The following ZNF804B variants were observed in gnomAD, a reference collection of about 807,000 sequenced individuals.
The protein encoded by ZNF804B is zinc finger protein 804B, also known as zinc finger 804B.
In ZNF804B, 80 loss-of-function variants were observed where a neutral mutation model predicts 101.4. That is an observed-to-expected ratio of 0.79 (90% CI 0.66 to 0.95). The LOEUF is 0.95. Among genes scored for constraint, ZNF804B ranks in the 40% least tolerant of loss-of-function variants. ZNF804B has a pLI of 0.00. For synonymous variants in ZNF804B, 622 were observed against 558.8 expected (o/e 1.11, Z -1.59); for missense variants, 1,673 against 1,561.9 (o/e 1.07, Z -1.20).
chr7:88,797,623 A>G (rs991532839), intron 1 of ZNF804B, among the ~76,000 whole-genome samples: 3 of 152,116 alleles, frequency 2.0e-5, no homozygotes, highest in Non-Finnish European at 4.4e-5. Flanking sequence ...TTTATGAGGT[A>G]CTGCTACCCA....
intron 1 of ZNF804B, among the ~76,000 whole-genome samples, chr7:88,931,786 C>T (rs192855733): frequency 1.1e-4 from 16 of 151,812 alleles, no homozygotes; most frequent in African/African-American, 2.7e-4. Context: ...GTTGAATTAA[C>T]GAGCAAATTA....
intron 1 of ZNF804B, among the ~76,000 whole-genome samples, chr7:88,858,118 T>G (rs769614042): frequency 1.3e-5 from 2 of 152,124 alleles, no homozygotes; most frequent in Non-Finnish European, 2.9e-5. Flanking sequence ...CCACGGCACC[T>G]GGCCTGCATT....
chr7:88,769,014 G>A (rs1475855092), intron 1 of ZNF804B, among the ~76,000 whole-genome samples: 8 of 152,150 alleles, frequency 5.3e-5, no homozygotes, highest in Non-Finnish European at 2.9e-5. Flanking sequence ...CATTCATTGA[G>A]TGTTCAGTAA....
intron 1 of ZNF804B, among the ~76,000 whole-genome samples, chr7:89,045,089 T>G (rs973954114): frequency 2.0e-5 from 3 of 152,158 alleles, no homozygotes; most frequent in African/African-American, 7.2e-5. Flanking sequence ...CTGATTCAGC[T>G]CCAGCCAGGG....
At chr7:88,822,032 A>G (rs1294137027) in intron 1 of ZNF804B, among the ~76,000 whole-genome samples, 1 of 152,180 alleles carries the variant, frequency 6.6e-6, no homozygotes, top group Non-Finnish European at 1.5e-5. Context: ...TGCTAGTACA[A>G]ACGGTCATTG....
intron 1 of ZNF804B, chr7:88,794,787 T>C (rs778115992): frequency 1.9e-6 from 3 of 1,613,776 alleles, no homozygotes; most frequent in Non-Finnish European, 1.7e-6. Context: ...TCTTGGCCAC[T>C]AGAAACATCC....
intron 1 of ZNF804B, among the ~76,000 whole-genome samples, chr7:89,172,152 T>C (rs1331516325): frequency 6.6e-6 from 1 of 152,100 alleles, no homozygotes; most frequent in African/African-American, 2.4e-5. Context: ...CTAGTAACTA[T>C]GACACTCAGA....
intron 1 of ZNF804B, among the ~76,000 whole-genome samples, chr7:89,133,434 C>T (rs898700685): frequency 1.2e-4 from 19 of 152,176 alleles, no homozygotes; most frequent in Middle Eastern, 3.4e-3. Flanking sequence ...GTTCCTTTCA[C>T]ATAAGGCCAG....
In ZNF804B at chr7:88,909,921, C is replaced by A. The variant is rs567164046; in HGVS notation, c.108+149837C>A. 2.6e-5 allele frequency among the ~76,000 whole-genome samples: 4 copies of A among 151,754 alleles called. No homozygotes were observed. The South Asian group carries it at 8.3e-4, about 32-fold the overall frequency. On this transcript the variant is annotated intron_variant, in intron 1 of 3. Transcript: ENST00000333190. ...TATTTCATATTTCTGTTATTAGCTG[C>A]CTTTTGGTAAATAATAGCCTCTTTA...
intron 1 of ZNF804B, among the ~76,000 whole-genome samples, chr7:88,850,127 A>G (rs1791431353): frequency 6.6e-6 from 1 of 152,150 alleles, no homozygotes; most frequent in Non-Finnish European, 1.5e-5. Context: ...ATGGGAAACA[A>G]TAATTCTCAA....
At chr7:88,883,081 A>T (rs1299938761) in intron 1 of ZNF804B, among the ~76,000 whole-genome samples, 2 of 152,116 alleles carry the variant, frequency 1.3e-5, no homozygotes, top group African/African-American at 4.8e-5. Context: ...GAAGAAAAAA[A>T]TTTTAAAAAA....
chr7:88,972,469 G>A (rs1793552869), intron 1 of ZNF804B, among the ~76,000 whole-genome samples: 1 of 151,254 alleles, frequency 6.6e-6, no homozygotes. Context: ...TTCCCTGCCA[G>A]GTTCCAACAT....
At chr7:88,828,206 TA>T (rs1791075904) in intron 1 of ZNF804B, among the ~76,000 whole-genome samples, 1 of 152,160 alleles carries the variant, frequency 6.6e-6, no homozygotes, top group Admixed American at 6.6e-5. Flanking sequence ...GAGGTGTAAT[TA>T]ATATGCAATA....
intron 1 of ZNF804B, among the ~76,000 whole-genome samples, chr7:88,999,130 A>C (rs897787199): frequency 1.3e-5 from 2 of 152,086 alleles, no homozygotes; most frequent in African/African-American, 4.8e-5. Context: ...ATGAGATTTC[A>C]ATCAGTTTTA....
At chr7:88,860,796 T>C (rs2115855437) in intron 1 of ZNF804B, among the ~76,000 whole-genome samples, 1 of 152,330 alleles carries the variant, frequency 6.6e-6, no homozygotes, top group East Asian at 1.9e-4. Flanking sequence ...ATTAATTTGT[T>C]TAAAGCAGTG....
intron 1 of ZNF804B, among the ~76,000 whole-genome samples, chr7:89,211,050 T>C (rs1019685472): frequency 6.6e-6 from 1 of 152,190 alleles, no homozygotes; most frequent in Non-Finnish European, 1.5e-5. Context: ...TGGTGAGAGA[T>C]GGTATTTCAT....
intron 1 of ZNF804B, among the ~76,000 whole-genome samples, chr7:88,868,197 C>T (rs906606460): frequency 1.3e-5 from 2 of 151,918 alleles, no homozygotes; most frequent in Non-Finnish European, 2.9e-5. Context: ...AAATGACTTC[C>T]CTTTACTGAT....
chr7:89,132,170 A>G (rs1186307013), intron 1 of ZNF804B, among the ~76,000 whole-genome samples: 19 of 3,764 alleles, frequency 5.0e-3, no homozygotes, highest in African/African-American at 0.011. Context: ...ACGCACACAT[A>G]CACACACACA....
chr7:88,794,154 G>C, intron 1 of ZNF804B: 2 of 1,561,510 alleles, frequency 1.3e-6, no homozygotes, highest in Non-Finnish European at 1.7e-6. Flanking sequence ...CTCCTTAAGA[G>C]ACATGGGCAC....
Sources: gnomAD v4.1 joint callset for allele counts (sites outside exome capture counted in the v4.1 genomes callset) on GRCh38, gnomAD v4.1.1 for gene constraint, MANE v1.5 for transcripts, NCBI Gene and HGNC (gene_info 2026-07-23, HGNC 2026-07-21) for gene names.